Variants in CCNB3 observed in about 807,000 individuals in gnomAD.
CCNB3 encodes the protein cyclin B3, also known as G2/mitotic-specific cyclin-B3.
Under a neutral mutation model 68.0 loss-of-function variants are expected in CCNB3, and 12 were observed. The ratio of observed to expected loss-of-function variants is 0.18; its 90% CI spans 0.11 to 0.29. The LOEUF (loss-of-function observed/expected upper bound fraction) is 0.29, where lower values mean the gene tolerates loss of function less well. CCNB3 is among the 10% of genes least tolerant of loss of function. The pLI is 1.00. For missense variants in CCNB3, 904 were observed against 993.1 expected, an observed-to-expected ratio of 0.91 and a Z score of 1.21; for synonymous variants, 354 against 388.9, an observed-to-expected ratio of 0.91 and a Z score of 1.06.
chrX:50,313,047 T>G (rs1921551413), intron 7 of CCNB3, among the ~76,000 whole-genome samples: 1 of 111,388 alleles, frequency 9.0e-6, no homozygotes, highest in African/African-American at 3.3e-5. Context: ...TCCTTCCCTG[T>G]GCATGTTTCT....
At chrX:50,212,220 C>A (rs1935495256) in intron 1 of CCNB3, among the ~76,000 whole-genome samples, 1 of 112,126 alleles carries the variant, frequency 8.9e-6, no homozygotes, top group Non-Finnish European at 1.9e-5. Context: ...TTTTCACTTA[C>A]CCTGCTAAGG....
At chrX:50,342,076 G>A (rs1359386187) in intron 8 of CCNB3, 126 bp from the exon 9 acceptor site, 8 of 762,361 alleles carry the variant, frequency 1.0e-5, no homozygotes, top group Non-Finnish European at 1.6e-5. Flanking sequence ...TTCTGTATTC[G>A]TAGCAGAGTC....
intron 8 of CCNB3, 66 bp from the exon 9 acceptor site, chrX:50,342,136 A>G: frequency 8.5e-7 from 1 of 1,174,233 alleles, no homozygotes; most frequent in South Asian, 1.8e-5. Flanking sequence ...AGGTAGCTAG[A>G]TCTGTCTGGA....
At chrX:50,281,472 C>T (rs1219256077) in intron 1 of CCNB3, among the ~76,000 whole-genome samples, 1 of 111,333 alleles carries the variant, frequency 9.0e-6, no homozygotes, top group Non-Finnish European at 1.9e-5. Flanking sequence ...ACTGCTGGCT[C>T]CAGCGTCCGG....
intron 8 of CCNB3, 23 bp from the exon 9 acceptor site, chrX:50,342,179 G>T: frequency 8.3e-7 from 1 of 1,209,976 alleles, no homozygotes. Context: ...ATGCAGATCT[G>T]TGTCGTGTGT....
chrX:50,226,354 A>AATATGTATAGAATATATATAAAAAT (rs1935796813), intron 1 of CCNB3, among the ~76,000 whole-genome samples: 3 of 46,512 alleles, frequency 6.4e-5, no homozygotes, highest in Non-Finnish European at 1.1e-4. Context: ...TATATATAAA[A>AATATGTATAGAATATATATAAAAAT]ATATGTATAG....
intron 8 of CCNB3, among the ~76,000 whole-genome samples, chrX:50,316,554 T>C (rs1921734502): frequency 8.9e-6 from 1 of 112,085 alleles, no homozygotes; most frequent in Non-Finnish European, 1.9e-5. Context: ...GCCACTATGA[T>C]TAGGAAATAG....
intron 8 of CCNB3, among the ~76,000 whole-genome samples, chrX:50,322,287 T>A (rs1237593108): frequency 2.8e-4 from 31 of 110,758 alleles, no homozygotes; most frequent in Non-Finnish European, 5.3e-4. Flanking sequence ...CACCATCTGA[T>A]CTTTGACAAA....
chrX:50,213,951 A>G (rs1160391723), intron 1 of CCNB3, among the ~76,000 whole-genome samples: 12 of 111,838 alleles, frequency 1.1e-4, no homozygotes, highest in Non-Finnish European at 2.1e-4. Flanking sequence ...GAACTTGTTC[A>G]TATATAAACA....
chrX:50,223,277 C>T (rs1935702219), intron 1 of CCNB3, among the ~76,000 whole-genome samples: 1 of 111,423 alleles, frequency 9.0e-6, no homozygotes, highest in African/African-American at 3.3e-5. Flanking sequence ...AATCATCAAA[C>T]TCATTCTCTG....
At chrX:50,226,057 A>T (rs1293857142) in intron 1 of CCNB3, among the ~76,000 whole-genome samples, 3 of 90,608 alleles carry the variant, frequency 3.3e-5, no homozygotes, top group South Asian at 9.7e-4. Flanking sequence ...AAATATATAT[A>T]GAATATATAC....
intron 1 of CCNB3, among the ~76,000 whole-genome samples, chrX:50,280,160 A>C (rs1232952772): frequency 1.1e-5 from 1 of 93,621 alleles, no homozygotes; most frequent in Admixed American, 1.3e-4. Flanking sequence ...GAATATATAT[A>C]AATATATATA....
chrX:50,288,826 A>G lies in CCNB3; in HGVS notation c.143A>G (p.Glu48Gly), dbSNP rs782175523. 1.7e-6 allele frequency: 2 copies of G among 1,209,142 alleles called. No homozygotes were observed. Among genetic ancestry groups the G allele is most frequent in the East Asian group, 5.9e-5 (2 of 33,770 alleles). The change falls in exon 4 of 13, where the codon GAG (glutamate) becomes GGG (glycine). Residue 48 changes from glutamate to glycine, a missense_variant. Glu to Gly is a moderately conservative substitution (Grantham distance 98). Transcript: ENST00000376042. The stretch of plus-strand genomic sequence containing the variant: ...AAGATATCTCCATCTTCACTTCAGG[A>G]GTCTCCATCTTCACTTCAGGGAGCA... ...QTKISPSSLQESPSSLQGALK... is the reference protein window; with the variant it reads ...QTKISPSSLQGSPSSLQGALK...
intron 8 of CCNB3, among the ~76,000 whole-genome samples, chrX:50,340,596 CT>C (rs1432573807): frequency 1.4e-4 from 16 of 112,508 alleles, no homozygotes; most frequent in Admixed American, 1.3e-3. Context: ...TGCATTCTGG[CT>C]GTGGGGCTGC....
intron 1 of CCNB3, among the ~76,000 whole-genome samples, chrX:50,218,564 G>T (rs1290730659): frequency 9.0e-6 from 1 of 111,600 alleles, no homozygotes; most frequent in Non-Finnish European, 1.9e-5. Context: ...AGTTTGCCTA[G>T]AATGATGGTT....
chrX:50,324,802 G>A (rs1557217089), intron 8 of CCNB3, among the ~76,000 whole-genome samples: 1 of 111,881 alleles, frequency 8.9e-6, no homozygotes, highest in Non-Finnish European at 1.9e-5. Flanking sequence ...TTGAAAAATA[G>A]TGTTGTAGCT....
At chrX:50,325,175 G>T in intron 8 of CCNB3, among the ~76,000 whole-genome samples, 1 of 111,097 alleles carries the variant, frequency 9.0e-6, no homozygotes, top group African/African-American at 3.3e-5. Flanking sequence ...AGAGCAGTAT[G>T]GTAACTACCC....
intron 8 of CCNB3, among the ~76,000 whole-genome samples, chrX:50,324,610 A>C (rs1406074313): frequency 8.9e-6 from 1 of 111,917 alleles, no homozygotes; most frequent in Non-Finnish European, 1.9e-5. Context: ...CTGTTTTAAA[A>C]ATTCATTTAA....
At position 50,309,474 on chromosome X, in the gene CCNB3, A is replaced by G. The variant is rs1921278162; in HGVS notation, c.1305A>G (p.Pro435=). The G allele has an allele frequency of 1.7e-6, 2 of 1,209,822 alleles. No individual in the cohort carries two copies. Among genetic ancestry groups the G allele is most frequent in the South Asian group, 3.5e-5 (2 of 56,753 alleles). ...STEKESFSQE[P]SALQKKHTTQ... is the part of the protein sequence containing the mutation. ...AGAAGGAGTCCTTTTCCCAGGAACC[A>G]TCTGCATTGCAAAAGAAGCACACCA... Residue 435 remains proline (P), a synonymous_variant, in exon 6 of 13, where the codon CCA becomes CCG. Coordinates refer to ENST00000376042, the MANE Select transcript of CCNB3 (RefSeq NM_033031.3).
Sources: allele counts gnomAD v4.1 joint callset (sites outside exome capture counted in the v4.1 genomes callset), GRCh38; gene constraint gnomAD v4.1.1; transcripts MANE v1.5; gene names NCBI Gene and HGNC (gene_info 2026-07-23, HGNC 2026-07-21).